MARCHF1: variants seen among roughly 807,000 people sequenced by gnomAD.
MARCHF1 encodes E3 ubiquitin-protein ligase MARCHF1.
Under a neutral mutation model 54.2 loss-of-function variants are expected in MARCHF1, and 40 were observed. That is an observed-to-expected ratio of 0.74 (90% CI 0.57 to 0.96). The LOEUF (loss-of-function observed/expected upper bound fraction) is 0.96. MARCHF1 is among the 40% of genes least tolerant of loss of function. The pLI is 0.00. For synonymous variants in MARCHF1, 236 were observed against 236.3 expected, an observed-to-expected ratio of 1.00 and a Z score of 0.01; for missense variants, 586 against 656.5, an observed-to-expected ratio of 0.89 and a Z score of 1.17.
At chr4:164,083,666 G>C (rs188080545) in intron 2 of MARCHF1, among the ~76,000 whole-genome samples, 121 of 152,202 alleles carry the variant, frequency 7.9e-4, no homozygotes, top group African/African-American at 2.8e-3. Context: ...GCTGCATCTT[G>C]GTTAGATCTT....
Position 163,854,036 on chromosome 4 carries a change from T to TGA in MARCHF1, c.94_95dup (p.Gln33HisfsTer6). 1 of 1,536,898 alleles carries TGA rather than the reference T, an allele frequency of 6.5e-7. No homozygotes were observed. Among genetic ancestry groups the TGA allele is most frequent in the Non-Finnish European group, 8.7e-7 (1 of 1,146,674 alleles). ...TTCCACTCACCAATGTGGAGGTTTG[T>TGA]GAGGCGTCAGCCAAATCCCCTGAGA... On this transcript the variant is annotated frameshift_variant, in exon 4 of 10. Coordinates refer to ENST00000514618, the MANE Select transcript of MARCHF1 (RefSeq NM_001394959.1). LOFTEE classifies it high-confidence loss of function.
At chr4:163,622,538 CTTCCTTATATTGT>C (rs1741726533) in intron 5 of MARCHF1, among the ~76,000 whole-genome samples, 1 of 152,176 alleles carries the variant, frequency 6.6e-6, no homozygotes, top group South Asian at 2.1e-4. Context: ...ACATGCTTTC[CTTCCTTATATTGT>C]GCAAAATTTA....
At chr4:163,977,604 C>A (rs1175282178) in intron 3 of MARCHF1, among the ~76,000 whole-genome samples, 3 of 151,982 alleles carry the variant, frequency 2.0e-5, no homozygotes, top group African/African-American at 7.2e-5. Context: ...CAAAAAAAAA[C>A]TTCACAGAAC....
chr4:164,217,319 T>C (rs370583241), intron 1 of MARCHF1, among the ~76,000 whole-genome samples: 24 of 152,346 alleles, frequency 1.6e-4, no homozygotes, highest in African/African-American at 5.3e-4. Flanking sequence ...TAGGCTTAAA[T>C]TGATTTAGCC....
intron 4 of MARCHF1, among the ~76,000 whole-genome samples, chr4:163,833,113 A>G (rs376963677): frequency 6.6e-6 from 1 of 152,144 alleles, no homozygotes; most frequent in South Asian, 2.1e-4. Context: ...CCCAGTAATG[A>G]GATGGCTGGG....
chr4:163,643,260 G>C (rs184298160), intron 5 of MARCHF1, among the ~76,000 whole-genome samples: 1 of 151,664 alleles, frequency 6.6e-6, no homozygotes, highest in Non-Finnish European at 1.5e-5. Flanking sequence ...CCTGGGAGGC[G>C]GAGGTTGCAG....
chr4:164,291,998 T>A (rs984009883), intron 1 of MARCHF1, among the ~76,000 whole-genome samples: 1 of 152,118 alleles, frequency 6.6e-6, no homozygotes, highest in African/African-American at 2.4e-5. Flanking sequence ...AAGTCACAAT[T>A]AATTAATTTT....
chr4:164,203,159 T>C (rs1443587266), intron 1 of MARCHF1, among the ~76,000 whole-genome samples: 1 of 152,148 alleles, frequency 6.6e-6, no homozygotes, highest in East Asian at 1.9e-4. Flanking sequence ...AGAGCTTTAT[T>C]GTAAAAATCA....
At chr4:164,369,748 T>C (rs1260127362) in intron 1 of MARCHF1, among the ~76,000 whole-genome samples, 1 of 152,184 alleles carries the variant, frequency 6.6e-6, no homozygotes, top group Non-Finnish European at 1.5e-5. Flanking sequence ...TTAAATAAAC[T>C]ACCCTATTTA....
At chr4:163,714,930 C>T (rs545579797) in intron 4 of MARCHF1, among the ~76,000 whole-genome samples, 45 of 152,294 alleles carry the variant, frequency 3.0e-4, no homozygotes, top group Middle Eastern at 3.4e-3. Flanking sequence ...AATTTTCCTG[C>T]CTCAGCCTCC....
Position 164,165,362 on chromosome 4 carries a change from GTCTC to G in MARCHF1, c.-322-53704_-322-53701del, listed in dbSNP as rs55721102. On this transcript the variant is annotated intron_variant, in intron 1 of 9. Coordinates refer to ENST00000514618, the MANE Select transcript of MARCHF1 (RefSeq NM_001394959.1). ...AGAAACACAAGCACGTTTTCTCTCT[GTCTC>G]TCTCTCTCTCTCTCTCTGCCTCTGT... is the stretch of plus-strand genomic sequence containing the variant. Among the ~76,000 whole-genome samples, 7 of 148,528 alleles carry G rather than the reference GTCTC, an allele frequency of 4.7e-5. No individual in the cohort carries two copies. In the East Asian group the frequency reaches 7.9e-4, roughly 17 times the overall value.
rs79530189 is a variant in MARCHF1, at chr4:163,908,219, T to C, written c.-38-54050A>G. On this transcript the variant is annotated intron_variant, in intron 3 of 9. Coordinates refer to ENST00000514618, the MANE Select transcript of MARCHF1 (RefSeq NM_001394959.1). Reference sequence around the variant, plus strand: ...TAACAGAAAATCTGCAACTATCTTCTGCATACATCAAAATGAAAATTTACC... The same window carrying C: ...TAACAGAAAATCTGCAACTATCTTCCGCATACATCAAAATGAAAATTTACC... 3.4e-3 allele frequency among the ~76,000 whole-genome samples: 514 copies of C among 152,286 alleles called. 5 individuals carry two copies. The highest frequency in any genetic ancestry group is 0.011 in the African/African-American group (476 of 41,578).
Position 164,205,027 on chromosome 4 carries a change from TGA to T in MARCHF1, c.-322-93367_-322-93366del, listed in dbSNP as rs1043320463. On this transcript the variant is annotated intron_variant, in intron 1 of 9. Transcript: ENST00000514618. ...ATCCAAATGCAGTGAACATTTTCTT[TGA>T]GAGAATGTCTTAATTCTTATATAGT... Among the ~76,000 whole-genome samples, 18 of 152,336 alleles carry T rather than the reference TGA, an allele frequency of 1.2e-4. 1 individual carries two copies. Among genetic ancestry groups the T allele is most frequent in the African/African-American group, 3.8e-4 (16 of 41,584 alleles).
At chr4:164,134,879 A>T (rs1199624663) in intron 1 of MARCHF1, among the ~76,000 whole-genome samples, 1 of 151,758 alleles carries the variant, frequency 6.6e-6, no homozygotes, top group African/African-American at 2.4e-5. Flanking sequence ...CTTAAGTTTA[A>T]TTGAGCAACT....
intron 3 of MARCHF1, among the ~76,000 whole-genome samples, chr4:163,930,953 G>A (rs1751659167): frequency 6.6e-6 from 1 of 152,138 alleles, no homozygotes; most frequent in South Asian, 2.1e-4. Context: ...TTCATATGTG[G>A]AAGCCTGAAC....
chr4:163,693,769 C>T (rs546030694), intron 5 of MARCHF1, among the ~76,000 whole-genome samples: 1 of 152,230 alleles, frequency 6.6e-6, no homozygotes, highest in East Asian at 1.9e-4. Flanking sequence ...TTATATTGTC[C>T]AGTAGGCAGA....
intron 4 of MARCHF1, among the ~76,000 whole-genome samples, chr4:163,801,564 G>A (rs72685627): frequency 0.083 from 12,644 of 151,994 alleles, 777 homozygotes; most frequent in Non-Finnish European, 0.13. Flanking sequence ...TCAGTAATGT[G>A]TACTAATCTT....
At chr4:163,973,618 G>A (rs1167662492) in intron 3 of MARCHF1, among the ~76,000 whole-genome samples, 1 of 152,174 alleles carries the variant, frequency 6.6e-6, no homozygotes, top group Non-Finnish European at 1.5e-5. Flanking sequence ...ACAAATACGG[G>A]TTGTTACAGT....
chr4:163,861,495 G>A (rs933503273), intron 3 of MARCHF1, among the ~76,000 whole-genome samples: 1 of 151,980 alleles, frequency 6.6e-6, no homozygotes, highest in African/African-American at 2.4e-5. Flanking sequence ...ACTTTTAACA[G>A]CATCAAATAT....
Sources: gnomAD v4.1 joint callset for allele counts (sites outside exome capture counted in the v4.1 genomes callset) on GRCh38, gnomAD v4.1.1 for gene constraint, MANE v1.5 for transcripts, NCBI Gene and HGNC (gene_info 2026-07-23, HGNC 2026-07-21) for gene names.